RBMS3: variants seen among roughly 807,000 people sequenced by gnomAD.
RBMS3 encodes the protein RNA binding motif single stranded interacting protein 3.
RBMS3 carries 27 observed loss-of-function variants against 66.8 expected under a neutral mutation model. The ratio of observed to expected loss-of-function variants is 0.40; its 90% confidence interval spans 0.30 to 0.56. The LOEUF (loss-of-function observed/expected upper bound fraction) is 0.56, where lower values mean the gene tolerates loss of function less well. Ranked by LOEUF, RBMS3 falls within the 20% of genes least tolerant of loss-of-function variation. The pLI is 0.40. For synonymous variants in RBMS3, 188 were observed against 183.0 expected, an observed-to-expected ratio of 1.03 and a Z score of -0.22; for missense variants, 513 against 549.5, an observed-to-expected ratio of 0.93 and a Z score of 0.66.
intron 14 of RBMS3, among the ~76,000 whole-genome samples, chr3:29,994,442 C>T (rs1380842108): frequency 6.6e-6 from 1 of 152,236 alleles, no homozygotes; most frequent in African/African-American, 2.4e-5. Flanking sequence ...CTCAAGGAGG[C>T]CTGCCTGCCT....
chr3:29,961,997 T>C (rs1696488052), intron 12 of RBMS3, among the ~76,000 whole-genome samples: 2 of 145,670 alleles, frequency 1.4e-5, no homozygotes, highest in Admixed American at 1.4e-4. Flanking sequence ...ATATATATAA[T>C]ATATATATTA....
At chr3:29,304,010 C>T (rs902539162) in intron 1 of RBMS3, among the ~76,000 whole-genome samples, 1 of 151,876 alleles carries the variant, frequency 6.6e-6, no homozygotes, top group Admixed American at 6.6e-5. Context: ...GGGGAAACTG[C>T]CCCCATGATT....
At chr3:29,796,712 C>CT (rs71295051) in intron 6 of RBMS3, among the ~76,000 whole-genome samples, 32,080 of 115,258 alleles carry the variant, frequency 0.28, 5,642 homozygotes, top group Non-Finnish European at 0.35. Context: ...TGAAAGGAAT[C>CT]TTTTTTTTTT....
intron 1 of RBMS3, among the ~76,000 whole-genome samples, chr3:29,354,407 C>T (rs916024315): frequency 1.2e-4 from 18 of 152,076 alleles, no homozygotes; most frequent in African/African-American, 3.9e-4. Context: ...CTCATGGTCA[C>T]ATACTTTCTC....
chr3:29,435,270 A>T, intron 2 of RBMS3, among the ~76,000 whole-genome samples: 1 of 152,336 alleles, frequency 6.6e-6, no homozygotes, highest in South Asian at 2.1e-4. Context: ...GAGAAGTATT[A>T]GTGAAAGGAA....
chr3:29,975,179 A>G (rs917504246), intron 12 of RBMS3, among the ~76,000 whole-genome samples: 3 of 148,560 alleles, frequency 2.0e-5, no homozygotes, highest in Non-Finnish European at 4.5e-5. Context: ...TTTACTGTAG[A>G]TGAAATTTAG....
In RBMS3 at chr3:29,316,043, A is replaced by G. The variant is rs546318433; in HGVS notation, c.75+34287A>G. 1.3e-4 allele frequency among the ~76,000 whole-genome samples: 20 copies of G among 151,742 alleles called. No individual in the cohort carries two copies. The East Asian group carries it at 3.9e-3, about 30-fold the overall frequency. On this transcript the variant is annotated intron_variant, in intron 1 of 14. Transcript: ENST00000383767. Reference sequence around the variant, plus strand: ...TGTTGGCTACCTCTTATTGGTTTTGATAGGTATTACCGGGGTGATATTAAG... The same window carrying G: ...TGTTGGCTACCTCTTATTGGTTTTGGTAGGTATTACCGGGGTGATATTAAG...
At chr3:29,680,080 G>A (rs970107372) in intron 4 of RBMS3, among the ~76,000 whole-genome samples, 1 of 152,114 alleles carries the variant, frequency 6.6e-6, no homozygotes, top group African/African-American at 2.4e-5. Context: ...TTTTACAAAG[G>A]CTCAAGCCTT....
chr3:29,438,004 GGTCA>G (rs2041463273), intron 2 of RBMS3, among the ~76,000 whole-genome samples: 1 of 147,964 alleles, frequency 6.8e-6, no homozygotes, highest in African/African-American at 2.5e-5. Context: ...GACCAATGCA[GGTCA>G]TTTGTAAAAC....
chr3:29,943,208 G>A (rs1249996092), intron 11 of RBMS3, among the ~76,000 whole-genome samples: 3 of 151,758 alleles, frequency 2.0e-5, no homozygotes, highest in East Asian at 1.9e-4. Context: ...TGGGATTTTT[G>A]CTTTTAATAA....
chr3:30,003,294 C>T (rs1699692776), intron 14 of RBMS3, among the ~76,000 whole-genome samples: 1 of 151,944 alleles, frequency 6.6e-6, no homozygotes, highest in African/African-American at 2.4e-5. Context: ...GTATATACCA[C>T]TCTGCCTAAA....
intron 4 of RBMS3, among the ~76,000 whole-genome samples, chr3:29,639,588 A>T (rs1211102453): frequency 7.0e-6 from 1 of 142,774 alleles, no homozygotes; most frequent in Non-Finnish European, 1.5e-5. Context: ...TAGATAGAAG[A>T]TAGACAGAGA....
chr3:29,701,885 C>T (rs61574526), intron 4 of RBMS3, among the ~76,000 whole-genome samples: 4,252 of 127,712 alleles, frequency 0.033, 85 homozygotes, highest in Admixed American at 0.07. Context: ...TCCACGGCGC[C>T]GCCCGGTCCC....
intron 1 of RBMS3, among the ~76,000 whole-genome samples, chr3:29,366,433 C>G (rs1418451330): frequency 6.6e-6 from 1 of 152,148 alleles, no homozygotes; most frequent in Non-Finnish European, 1.5e-5. Flanking sequence ...GTTGTCTAGA[C>G]TAGAGCACAG....
At position 29,772,568 on chromosome 3, in the gene RBMS3, G is replaced by C. The variant is rs1004788607; in HGVS notation, c.637+9579G>C. ...CCACTGCAATGGAGTCTCTTACAGTGGAGATGAGAGATTGGGCTCACCTCC... is the reference window on the plus strand; with the variant it reads ...CCACTGCAATGGAGTCTCTTACAGTCGAGATGAGAGATTGGGCTCACCTCC... On this transcript the variant is annotated intron_variant, in intron 6 of 14. Coordinates refer to ENST00000383767, the MANE Select transcript of RBMS3 (RefSeq NM_001003793.3). Among the ~76,000 whole-genome samples the C allele has an allele frequency of 2.0e-5, 3 of 151,922 alleles. 1 individual carries two copies. Among genetic ancestry groups the C allele is most frequent in the African/African-American group, 7.2e-5 (3 of 41,380 alleles).
At chr3:29,473,006 C>G (rs1575926238) in intron 2 of RBMS3, among the ~76,000 whole-genome samples, 1 of 151,170 alleles carries the variant, frequency 6.6e-6, no homozygotes, top group East Asian at 2.0e-4. Context: ...CAAAGGTTCT[C>G]CACGTCCCCA....
chr3:29,332,391 C>G (rs2035717153), intron 1 of RBMS3, among the ~76,000 whole-genome samples: 1 of 152,116 alleles, frequency 6.6e-6, no homozygotes, highest in Non-Finnish European at 1.5e-5. Flanking sequence ...AGTTCTCTCT[C>G]TCTTGCTCTC....
intron 13 of RBMS3, among the ~76,000 whole-genome samples, chr3:29,988,996 GATTT>G (rs1202462130): frequency 3.2e-4 from 48 of 152,232 alleles, no homozygotes; most frequent in South Asian, 8.3e-4. Flanking sequence ...CAGAGATTAT[GATTT>G]ATTTGTCTGG....
intron 12 of RBMS3, among the ~76,000 whole-genome samples, chr3:29,981,916 TA>T (rs1698021264): frequency 6.6e-6 from 1 of 152,222 alleles, no homozygotes; most frequent in South Asian, 2.1e-4. Flanking sequence ...CAGGTTTTGG[TA>T]TCGGGGTGAT....
Sources: allele counts gnomAD v4.1 joint callset (sites outside exome capture counted in the v4.1 genomes callset), GRCh38; gene constraint gnomAD v4.1.1; transcripts MANE v1.5; gene names NCBI Gene and HGNC (gene_info 2026-07-23, HGNC 2026-07-21).